Variants in ASMT observed in about 807,000 individuals in gnomAD.
ASMT encodes acetylserotonin N-methyltransferase.
ASMT carries 53 observed loss-of-function variants against 41.3 expected under a neutral mutation model. The ratio of observed to expected loss-of-function variants is 1.28; its 90% CI spans 1.03 to 1.61. The LOEUF is 1.61. ASMT is among the 40% of genes most tolerant of loss of function. The probability of loss-of-function intolerance (pLI) is 0.00; values close to 1 mark genes in which losing one functional copy is unlikely to be tolerated. For synonymous variants in ASMT, 231 were observed against 184.8 expected (o/e 1.25, Z -2.03); for missense variants, 531 against 441.3 (o/e 1.20, Z -1.82).
Position 1,632,326 on chromosome X carries a change from G to A in ASMT, c.563-378G>A, listed in dbSNP as rs138524018. On this transcript the variant is annotated intron_variant, in intron 5 of 8. Coordinates refer to ENST00000381241, the MANE Select transcript of ASMT (RefSeq NM_001171038.2). ...AACTCAGGGGCCTGTAGACAATCAC[G>A]TCACCGTCAAGATTAGACATGGTGG... Among the ~76,000 whole-genome samples, 805 of 152,164 alleles carry A rather than the reference G, an allele frequency of 5.3e-3. 7 individuals are homozygous for A. The highest frequency in any genetic ancestry group is 0.018 in the African/African-American group (754 of 41,510).
At chrX:1,629,702 A>T in intron 4 of ASMT, 119 bp from the exon 5 acceptor site, 1 of 929,352 alleles carries the variant, frequency 1.1e-6, no homozygotes, top group Non-Finnish European at 1.8e-6. Context: ...CACAAATGCA[A>T]GCCTTCCAGG....
Position 1,618,712 on chromosome X carries a change from T to C in ASMT, c.69+3444T>C, listed in dbSNP as rs1356765064. Among the ~76,000 whole-genome samples the C allele has an allele frequency of 2.6e-5, 4 of 152,202 alleles. No individual in the cohort carries two copies. The East Asian group carries it at 7.7e-4, about 29-fold the overall frequency. ...TCAGCCTCCCAAAGTGCTAGGATTA[T>C]AGGCATGAGCCAACATGTCTGGCTA... On this transcript the variant is annotated intron_variant, in intron 1 of 8. Transcript: ENST00000381241.
intron 2 of ASMT, 24 bp downstream of exon 2, chrX:1,623,337 G>C (rs1342258321): frequency 1.2e-6 from 2 of 1,613,716 alleles, no homozygotes; most frequent in Non-Finnish European, 1.7e-6. Flanking sequence ...CGTTTTGAAG[G>C]AGGCATTTTA....
chrX:1,630,197 G>GCC (rs1934719402), intron 5 of ASMT, among the ~76,000 whole-genome samples: 1 of 151,760 alleles, frequency 6.6e-6, no homozygotes, highest in Admixed American at 6.6e-5. Flanking sequence ...GCAGTGGCAT[G>GCC]ATCTCGGCTC....
chrX:1,620,258 G>A (rs1934292335), intron 1 of ASMT, among the ~76,000 whole-genome samples: 1 of 121,954 alleles, frequency 8.2e-6, no homozygotes, highest in African/African-American at 3.1e-5. Flanking sequence ...TGCAACCTCC[G>A]CCTCCCGGGT....
Position 1,615,250 on chromosome X carries a change from CGGCT to C in ASMT, c.52_55del (p.Gly18SerfsTer35). On this transcript the variant is annotated frameshift_variant, in exon 1 of 9. Transcript: ENST00000381241. LOFTEE classifies it high-confidence loss of function. ...ATCGCCTCCTTAATGACTACGCCAA[CGGCT>C]TCATGGTGTCCCAGGTAGGATACGC... is the stretch of plus-strand genomic sequence containing the variant. 3 of 1,595,804 alleles carry C rather than the reference CGGCT, an allele frequency of 1.9e-6. No homozygotes were observed. The highest frequency in any genetic ancestry group is 2.6e-6 in the Non-Finnish European group (3 of 1,171,220).
At position 1,624,277 on chromosome X, in the gene ASMT, C is replaced by A. The variant is rs753130882; in HGVS notation, c.253C>A (p.Arg85=). The A allele has an allele frequency of 5.6e-6, 9 of 1,613,814 alleles. No homozygotes were observed. Among genetic ancestry groups the A allele is most frequent in the Admixed American group, 1.7e-5 (1 of 59,984 alleles). Reference sequence around the variant, plus strand: ...TTTTGTGTGTGTTTCAGCTTTCTATCGAAACACAGAGCTGTCCAGCGACTA... The same window carrying A: ...TTTTGTGTGTGTTTCAGCTTTCTATAGAAACACAGAGCTGTCCAGCGACTA... ...VETRGGKAFY[R]NTELSSDYLT... is the part of the protein sequence containing the mutation. The change falls in exon 3 of 9, where the codon CGA becomes AGA. Residue 85 remains arginine, a synonymous_variant. Coordinates refer to ENST00000381241, the MANE Select transcript of ASMT (RefSeq NM_001171038.2).
chrX:1,642,472 G>C (rs6644796), intron 8 of ASMT, among the ~76,000 whole-genome samples: 42,496 of 143,300 alleles, frequency 0.3, 6,267 homozygotes, highest in South Asian at 0.53. Context: ...GAGGTCCATC[G>C]ATCCTGATGG....
chrX:1,632,547 G>C (rs78458303), intron 5 of ASMT, among the ~76,000 whole-genome samples, 157 bp from the exon 6 acceptor site: 1 of 151,842 alleles, frequency 6.6e-6, no homozygotes, highest in East Asian at 1.9e-4. Flanking sequence ...CCCAGCTACT[G>C]GGGAGGCTGA....
At chrX:1,633,807 C>G (rs1934863667) in intron 7 of ASMT, among the ~76,000 whole-genome samples, 1 of 152,022 alleles carries the variant, frequency 6.6e-6, no homozygotes, top group Non-Finnish European at 1.5e-5. Flanking sequence ...CCTGGCTAAT[C>G]TTTTATATTT....
intron 5 of ASMT, 136 bp downstream of exon 5, chrX:1,630,075 C>G (rs1257464915): frequency 2.9e-5 from 24 of 835,946 alleles, no homozygotes; most frequent in Non-Finnish European, 4.8e-5. Flanking sequence ...GGAATCATTC[C>G]TCCCAGCACT....
chrX:1,625,401 T>C (rs1300998488), intron 3 of ASMT, among the ~76,000 whole-genome samples: 2 of 150,248 alleles, frequency 1.3e-5, no homozygotes, highest in African/African-American at 4.9e-5. Context: ...GAGGCTAAGG[T>C]GGGAGAACTG....
rs188695111 is a variant in ASMT at position 1,622,272 on chromosome X, G to A, written c.70-867G>A. 3.1e-3 allele frequency among the ~76,000 whole-genome samples: 464 copies of A among 150,126 alleles called. 4 individuals carry two copies. The highest frequency in any genetic ancestry group is 0.011 in the African/African-American group (446 of 40,894). ...CTCCCAAAGTGCTGGGATTACAGGC[G>A]TGAGCCACCACGCCCGGTCCTCTGT... On this transcript the variant is annotated intron_variant, in intron 1 of 8. Coordinates refer to ENST00000381241, the MANE Select transcript of ASMT (RefSeq NM_001171038.2).
chrX:1,633,398 CG>C, intron 7 of ASMT, 108 bp downstream of exon 7: 2 of 1,335,330 alleles, frequency 1.5e-6, no homozygotes, highest in Admixed American at 1.7e-5. Flanking sequence ...CTCTCACTCC[CG>C]GAAACACCCT....
At position 1,627,788 on chromosome X, in the gene ASMT, T is replaced by G; in HGVS notation, c.443+17T>G. 6.2e-7 allele frequency: 1 copy of G among 1,611,140 alleles called. No homozygotes were observed. Among genetic ancestry groups the G allele is most frequent in the South Asian group, 1.1e-5 (1 of 91,000 alleles). ...CATCTACAGGTAACACCCATCACTT[T>G]GAAACCAACAACTCAGATAAGATTC... On this transcript the variant is annotated intron_variant, in intron 4 of 8. Transcript: ENST00000381241.
At chrX:1,622,537 C>G (rs1216386811) in intron 1 of ASMT, among the ~76,000 whole-genome samples, 1 of 151,860 alleles carries the variant, frequency 6.6e-6, no homozygotes, top group Non-Finnish European at 1.5e-5. Flanking sequence ...GTGATCCACC[C>G]ACCTCCCAAA....
chrX:1,623,138 G>T lies in ASMT; in HGVS notation c.70-1G>T. 1 of 1,612,436 alleles carries T rather than the reference G, an allele frequency of 6.2e-7. No individual in the cohort carries two copies. The highest frequency in any genetic ancestry group is 1.1e-5 in the South Asian group (1 of 91,004). On this transcript the variant is annotated splice_acceptor_variant, in intron 1 of 8. Transcript: ENST00000381241. LOFTEE classifies it high-confidence loss of function. ...CCTTTTATTTCCGCTCCTGCTCCAA[G>T]GTTCTCTTCGCCGCCTGCGAGCTGG... is the stretch of plus-strand genomic sequence containing the variant.
chrX:1,637,016 C>T lies in ASMT; in HGVS notation c.910+456C>T, dbSNP rs111678511. 2.4e-4 allele frequency among the ~76,000 whole-genome samples: 18 copies of T among 74,348 alleles called. 1 individual carries two copies. Among genetic ancestry groups the T allele is most frequent in the Admixed American group, 1.5e-3 (11 of 7,492 alleles). The allele number at this position is 74,348 out of a possible 152,430, so 48.8% of individuals were successfully genotyped here. A position where few individuals can be genotyped will look rare whatever the true frequency, so the allele number is the denominator to read the frequency against. On this transcript the variant is annotated intron_variant, in intron 8 of 8. Transcript: ENST00000381241. ...CCTCTGTGTGTGATGGGGACAGTGT[C>T]CCAGCTCTCCTGTGAGGTCCATCCA...
chrX:1,623,458 G>C, intron 2 of ASMT, 145 bp downstream of exon 2: 1 of 991,910 alleles, frequency 1.0e-6, no homozygotes, highest in African/African-American at 1.6e-5. Flanking sequence ...AATTAGCCGG[G>C]TGTGGTGGCG....
Sources: allele counts gnomAD v4.1 joint callset (sites outside exome capture counted in the v4.1 genomes callset), GRCh38; gene constraint gnomAD v4.1.1; transcripts MANE v1.5; gene names NCBI Gene and HGNC (gene_info 2026-07-23, HGNC 2026-07-21).